VDAC1: variants seen among roughly 807,000 people sequenced by gnomAD.
The protein encoded by VDAC1 is voltage dependent anion channel 1.
VDAC1 carries 10 observed loss-of-function variants against 34.7 expected under a neutral mutation model. The ratio of observed to expected loss-of-function variants is 0.29; its 90% confidence interval spans 0.18 to 0.49. The LOEUF is 0.49. Among genes scored for constraint, VDAC1 ranks in the 20% least tolerant of loss-of-function variants. The pLI, the probability that VDAC1 is intolerant of heterozygous loss-of-function variation, is 0.99. For synonymous variants in VDAC1, 130 were observed against 136.0 expected, an observed-to-expected ratio of 0.96 and a Z score of 0.30; for missense variants, 230 against 347.9, an observed-to-expected ratio of 0.66 and a Z score of 2.69.
chr5:134,023,797 T>C, the VDAC1 span, among the ~76,000 whole-genome samples: 1 of 152,026 alleles, frequency 6.6e-6, no homozygotes, highest in Non-Finnish European at 1.5e-5. Flanking sequence ...TACTCAAGAC[T>C]GTCACGGAAG....
chr5:133,992,150 CG>C (rs1434662794), intron 3 of VDAC1, among the ~76,000 whole-genome samples, 155 bp downstream of exon 3: 1 of 152,064 alleles, frequency 6.6e-6, no homozygotes, highest in Non-Finnish European at 1.5e-5. Context: ...GTAGGAGAAT[CG>C]CTTGAACCCA....
At position 133,980,483 on chromosome 5, in the gene VDAC1, G is replaced by A. The variant is rs115914296; in HGVS notation, c.551+246C>T. On this transcript the variant is annotated intron_variant, in intron 6 of 8. Transcript: ENST00000265333. ...TGCTGTAATTAATCAGCCACTTTGTGTACCTGTGGCAATATATACTGTTCA... is the reference window on the plus strand; with the variant it reads ...TGCTGTAATTAATCAGCCACTTTGTATACCTGTGGCAATATATACTGTTCA... 2.9e-3 allele frequency among the ~76,000 whole-genome samples: 448 copies of A among 152,204 alleles called. 3 individuals are homozygous for A. The highest frequency in any genetic ancestry group is 0.01 in the African/African-American group (430 of 41,518).
At chr5:134,009,234 G>A (rs1360148016), upstream of VDAC1, among the ~76,000 whole-genome samples, 15 of 148,870 alleles carry the variant, frequency 1.0e-4, no homozygotes, top group Admixed American at 6.7e-5. Context: ...GTATTTATGG[G>A]AATTTATCAA....
At chr5:134,087,606 G>A in the VDAC1 span, among the ~76,000 whole-genome samples, 1 of 152,212 alleles carries the variant, frequency 6.6e-6, no homozygotes, top group Admixed American at 6.5e-5. Flanking sequence ...TGTAATCCCA[G>A]CACTTTGGGA....
chr5:133,985,560 A>T (rs576190644), intron 5 of VDAC1, among the ~76,000 whole-genome samples: 1 of 152,336 alleles, frequency 6.6e-6, no homozygotes, highest in African/African-American at 2.4e-5. Context: ...AGGCTGAGGC[A>T]CGAGAATTGC....
chr5:134,027,399 G>T, the VDAC1 span, among the ~76,000 whole-genome samples: 1 of 152,142 alleles, frequency 6.6e-6, no homozygotes, highest in Non-Finnish European at 1.5e-5. Flanking sequence ...CGCTGTGCCG[G>T]GCCCTGGAGA....
In VDAC1 at chr5:133,981,276, G is replaced by C. The variant is rs1055473; in HGVS notation, c.324-320C>G. Reference sequence around the variant, plus strand: ...AGCAGCCTACACAGGCATTCATTAGGTAGAAAGCCACCATGTAATTATGAA... The same window carrying C: ...AGCAGCCTACACAGGCATTCATTAGCTAGAAAGCCACCATGTAATTATGAA... On this transcript the variant is annotated intron_variant, in intron 5 of 8. Coordinates refer to ENST00000265333, the MANE Select transcript of VDAC1 (RefSeq NM_003374.3). 2.0e-5 allele frequency among the ~76,000 whole-genome samples: 3 copies of C among 152,140 alleles called. 1 individual carries two copies. The highest frequency in any genetic ancestry group is 7.2e-5 in the African/African-American group (3 of 41,434).
chr5:134,019,884 G>A, the VDAC1 span, among the ~76,000 whole-genome samples: 1 of 152,046 alleles, frequency 6.6e-6, no homozygotes, highest in African/African-American at 2.4e-5. Context: ...TTCCTCACTG[G>A]CCCCACACCA....
At chr5:134,005,756 T>TC (rs1410832214), upstream of VDAC1, among the ~76,000 whole-genome samples, 1 of 152,114 alleles carries the variant, frequency 6.6e-6, no homozygotes, top group African/African-American at 2.4e-5. Flanking sequence ...CCACTGAGTG[T>TC]CCCCTGTGTT....
At chr5:134,074,511 C>T in the VDAC1 span, among the ~76,000 whole-genome samples, 2 of 151,706 alleles carry the variant, frequency 1.3e-5, no homozygotes, top group Non-Finnish European at 2.9e-5. Context: ...GAGATCACCC[C>T]GAGAAGAGGG....
At chr5:133,981,450 CTAAG>C (rs1752695347) in intron 5 of VDAC1, among the ~76,000 whole-genome samples, 1 of 152,226 alleles carries the variant, frequency 6.6e-6, no homozygotes, top group Non-Finnish European at 1.5e-5. Flanking sequence ...TATGTTCCCT[CTAAG>C]TGAGTACAAC....
At chr5:134,042,490 T>C in the VDAC1 span, among the ~76,000 whole-genome samples, 2 of 152,022 alleles carry the variant, frequency 1.3e-5, no homozygotes, top group African/African-American at 4.8e-5. Flanking sequence ...TTTGGTTTTG[T>C]TTTTCTTTTT....
At chr5:134,076,906 A>G in the VDAC1 span, among the ~76,000 whole-genome samples, 1 of 152,186 alleles carries the variant, frequency 6.6e-6, no homozygotes, top group African/African-American at 2.4e-5. Flanking sequence ...GGAGATCCGG[A>G]GGCAGGTCTA....
In VDAC1 at chr5:133,980,709, C is replaced by CCCG; in HGVS notation, c.551+19_551+20insCGG. The CCCG allele has an allele frequency of 2.2e-5, 23 of 1,043,020 alleles. No homozygotes were observed. The highest frequency in any genetic ancestry group is 3.2e-5 in the Non-Finnish European group (22 of 697,288). The allele number at this position is 1,043,020 out of a possible 1,614,324, so 64.6% of individuals were successfully genotyped here. ...CTCCAACCCCACCCCTCCCACCCTG[C>CCCG]TGCCCCCATGTACACTTACACATTA... On this transcript the variant is annotated intron_variant, in intron 6 of 8. Coordinates refer to ENST00000265333, the MANE Select transcript of VDAC1 (RefSeq NM_003374.3).
the VDAC1 span, among the ~76,000 whole-genome samples, chr5:134,079,795 G>A: frequency 6.6e-6 from 1 of 152,218 alleles, no homozygotes; most frequent in African/African-American, 2.4e-5. Flanking sequence ...ATCTGCTGGT[G>A]GGGCCTCAAG....
chr5:134,045,310 G>C, the VDAC1 span, among the ~76,000 whole-genome samples: 1 of 152,196 alleles, frequency 6.6e-6, no homozygotes, highest in Non-Finnish European at 1.5e-5. Context: ...CAGTGTATCA[G>C]CTTCCTACTG....
the VDAC1 span, among the ~76,000 whole-genome samples, chr5:134,084,190 G>C: frequency 6.6e-6 from 1 of 152,212 alleles, no homozygotes; most frequent in East Asian, 1.9e-4. Flanking sequence ...GAGGAGGAAT[G>C]AGAGGATCCC....
chr5:134,038,820 C>T, the VDAC1 span, among the ~76,000 whole-genome samples: 129,180 of 152,052 alleles, frequency 0.85, 54,984 homozygotes, highest in African/African-American at 0.89. Context: ...AGTCAGTTAA[C>T]AGCCTTCCAG....
At chr5:134,091,345 T>C in the VDAC1 span, among the ~76,000 whole-genome samples, 1 of 152,098 alleles carries the variant, frequency 6.6e-6, no homozygotes, top group Admixed American at 6.5e-5. Context: ...CTTAGAACAT[T>C]CCAGGTTTTC....
Sources: allele counts gnomAD v4.1 joint callset (sites outside exome capture counted in the v4.1 genomes callset), GRCh38; gene constraint gnomAD v4.1.1; transcripts MANE v1.5; gene names NCBI Gene and HGNC (gene_info 2026-07-23, HGNC 2026-07-21).